The following DPYD variants were observed in gnomAD, a reference collection of about 807,000 sequenced individuals.
DPYD encodes dihydropyrimidine dehydrogenase, also known as dihydropyrimidine dehydrogenase [NADP(+)].
A neutral mutation model predicts 116.2 loss-of-function variants in DPYD; 109 were observed. The ratio of observed to expected loss-of-function variants is 0.94; its 90% CI spans 0.80 to 1.10. The LOEUF is 1.10. Among genes scored for constraint, DPYD ranks in the 50% least tolerant of loss-of-function variants. The pLI is 0.00. For missense variants in DPYD, 1,302 were observed against 1,254.5 expected (o/e 1.04, Z -0.57); for synonymous variants, 440 against 432.0 (o/e 1.02, Z -0.23).
chr1:97,473,594 A>G (rs1016933571), intron 13 of DPYD, among the ~76,000 whole-genome samples: 5 of 152,196 alleles, frequency 3.3e-5, no homozygotes, highest in Admixed American at 2.0e-4. Flanking sequence ...CTATCACCCC[A>G]CACCAATTTG....
At chr1:97,903,034 G>A (rs1420642472) in intron 1 of DPYD, among the ~76,000 whole-genome samples, 1 of 151,822 alleles carries the variant, frequency 6.6e-6, no homozygotes, top group Non-Finnish European at 1.5e-5. Context: ...TACTGGGCTG[G>A]CACAGAAGAG....
intron 8 of DPYD, among the ~76,000 whole-genome samples, chr1:97,634,991 G>T (rs1657481368): frequency 6.6e-6 from 1 of 151,222 alleles, no homozygotes; most frequent in African/African-American, 2.4e-5. Flanking sequence ...AATAACCAGG[G>T]AGAAAAAAAA....
At chr1:97,190,193 C>T (rs1016928300) in intron 20 of DPYD, among the ~76,000 whole-genome samples, 2 of 152,112 alleles carry the variant, frequency 1.3e-5, no homozygotes, top group Admixed American at 1.3e-4. Flanking sequence ...TAATGTGATG[C>T]TTCTCTGGCA....
chr1:97,645,040 T>C (rs1658175731), intron 8 of DPYD, among the ~76,000 whole-genome samples: 1 of 152,170 alleles, frequency 6.6e-6, no homozygotes, highest in Non-Finnish European at 1.5e-5. Flanking sequence ...CATCAGTATT[T>C]AAAGATCTTT....
chr1:97,569,394 A>G (rs1652743665), intron 11 of DPYD, among the ~76,000 whole-genome samples: 1 of 148,662 alleles, frequency 6.7e-6, no homozygotes, highest in South Asian at 2.1e-4. Context: ...TAGGAAATAT[A>G]TATATTTATA....
At position 97,780,703 on chromosome 1, in the gene DPYD, T is replaced by C. The variant is rs1666693454; in HGVS notation, c.234-40224A>G. On this transcript the variant is annotated intron_variant, in intron 3 of 22. Transcript: ENST00000370192. Reference sequence around the variant, plus strand: ...CAAAACCTCATTCTGTCCCTTCTTTTAACTGAAAAGAAGCCAGATGGAAAC... The same window carrying C: ...CAAAACCTCATTCTGTCCCTTCTTTCAACTGAAAAGAAGCCAGATGGAAAC... 3.9e-5 allele frequency among the ~76,000 whole-genome samples: 6 copies of C among 152,286 alleles called. 1 individual carries two copies. In the South Asian group the frequency reaches 1.2e-3, roughly 32 times the overall value.
At chr1:97,564,487 A>G (rs994435153) in intron 11 of DPYD, among the ~76,000 whole-genome samples, 2 of 152,218 alleles carry the variant, frequency 1.3e-5, no homozygotes, top group African/African-American at 2.4e-5. Context: ...GCATTAAGGT[A>G]TAGTAGTGAA....
chr1:97,407,746 A>G (rs12409761), intron 14 of DPYD, among the ~76,000 whole-genome samples: 80,657 of 151,808 alleles, frequency 0.53, 21,643 homozygotes, highest in South Asian at 0.7. Context: ...AGTAGAAGTG[A>G]CACCACTCAC....
At chr1:97,264,848 A>C (rs917124195) in intron 18 of DPYD, among the ~76,000 whole-genome samples, 2 of 152,160 alleles carry the variant, frequency 1.3e-5, no homozygotes, top group African/African-American at 2.4e-5. Flanking sequence ...TTCTTGATCA[A>C]GGCAAAGCTT....
intron 19 of DPYD, among the ~76,000 whole-genome samples, chr1:97,220,859 T>C (rs915999779): frequency 1.3e-5 from 2 of 152,178 alleles, no homozygotes; most frequent in Non-Finnish European, 2.9e-5. Flanking sequence ...ATTAGATCAA[T>C]CACACATGCA....
At chr1:97,905,457 G>T (rs964909352) in intron 1 of DPYD, among the ~76,000 whole-genome samples, 5 of 151,992 alleles carry the variant, frequency 3.3e-5, no homozygotes, top group Non-Finnish European at 1.5e-5. Flanking sequence ...AGACTTTAAA[G>T]AAAAGAAAAC....
At chr1:97,650,872 G>A (rs1036416812) in intron 8 of DPYD, among the ~76,000 whole-genome samples, 3 of 151,860 alleles carry the variant, frequency 2.0e-5, no homozygotes, top group African/African-American at 7.3e-5. Flanking sequence ...ACACACAGGA[G>A]AGCTTAAATA....
chr1:97,178,905 T>C (rs561759108), intron 20 of DPYD, among the ~76,000 whole-genome samples: 24 of 152,318 alleles, frequency 1.6e-4, no homozygotes, highest in African/African-American at 5.3e-4. Flanking sequence ...ATCCATTTTA[T>C]GTTGCCACTA....
At chr1:97,171,915 G>A (rs997161875) in intron 20 of DPYD, among the ~76,000 whole-genome samples, 1 of 152,104 alleles carries the variant, frequency 6.6e-6, no homozygotes, top group Non-Finnish European at 1.5e-5. Context: ...AACTAGAATA[G>A]CAATATTAAT....
intron 3 of DPYD, among the ~76,000 whole-genome samples, chr1:97,771,369 C>T (rs1009334335): frequency 8.5e-5 from 13 of 152,130 alleles, no homozygotes; most frequent in Non-Finnish European, 4.4e-5. Context: ...TTTCACATTT[C>T]TAGTAAAAAA....
rs547060118 is a variant in DPYD at position 97,699,671 on chromosome 1, T to C, written c.484-124A>G. On this transcript the variant is annotated intron_variant, in intron 5 of 22. Transcript: ENST00000370192. The stretch of plus-strand genomic sequence containing the variant: ...ATGAGCAGTACATTTTCAGTATTAA[T>C]ATGGTATACTTACAACTTTTATTGT... The C allele has an allele frequency of 1.2e-4, 115 of 922,034 alleles. No individual in the cohort carries two copies. The African/African-American group carries it at 1.8e-3, about 15-fold the overall frequency. 57.1% of individuals were successfully genotyped at this position (922,034 alleles called of 1,614,324 possible).
chr1:97,479,026 T>C (rs955135450), intron 13 of DPYD, among the ~76,000 whole-genome samples: 1 of 152,222 alleles, frequency 6.6e-6, no homozygotes, highest in East Asian at 1.9e-4. Context: ...AGATCAGCCT[T>C]TGACTTAAGA....
intron 4 of DPYD, among the ~76,000 whole-genome samples, chr1:97,737,207 T>G (rs1324187821): frequency 2.6e-5 from 4 of 152,158 alleles, no homozygotes. Flanking sequence ...TTTGTTCTCT[T>G]GAGCACTGTC....
intron 8 of DPYD, among the ~76,000 whole-genome samples, chr1:97,659,469 T>G (rs1460231857): frequency 6.6e-6 from 1 of 152,182 alleles, no homozygotes. Flanking sequence ...TTATCTGTAT[T>G]GCTCTGAACA....
Sources: gnomAD v4.1 joint callset for allele counts (sites outside exome capture counted in the v4.1 genomes callset) on GRCh38, gnomAD v4.1.1 for gene constraint, MANE v1.5 for transcripts, NCBI Gene and HGNC (gene_info 2026-07-23, HGNC 2026-07-21) for gene names.